ARL8B: variants seen among roughly 807,000 people sequenced by gnomAD.
ARL8B encodes ARF like GTPase 8B.
In ARL8B, 9 loss-of-function variants were observed where a neutral mutation model predicts 30.6. The observed-to-expected ratio is 0.29, with a 90% CI of 0.18 to 0.51. ARL8B has a LOEUF of 0.51. Among genes scored for constraint, ARL8B ranks in the 20% least tolerant of loss-of-function variants. The pLI is 0.97. For synonymous variants in ARL8B, 74 were observed against 76.0 expected, an observed-to-expected ratio of 0.97 and a Z score of 0.14; for missense variants, 130 against 227.2, an observed-to-expected ratio of 0.57 and a Z score of 2.75.
intron 1 of ARL8B, among the ~76,000 whole-genome samples, chr3:5,144,399 C>T (rs1048921645): frequency 2.0e-5 from 3 of 152,210 alleles, no homozygotes; most frequent in Admixed American, 6.5e-5. Flanking sequence ...TATCCTTTGA[C>T]AAGTTACACA....
intron 1 of ARL8B, chr3:5,156,923 C>G (rs1171964648): frequency 6.6e-6 from 1 of 151,594 alleles, no homozygotes; most frequent in African/African-American, 2.4e-5. Flanking sequence ...TTCATATGTT[C>G]AGTTATTTTG....
chr3:5,136,878 G>A (rs979821406), intron 1 of ARL8B, among the ~76,000 whole-genome samples: 2 of 152,090 alleles, frequency 1.3e-5, no homozygotes, highest in Non-Finnish European at 2.9e-5. Context: ...CAGGTCCCAG[G>A]TCTGTAAAAC....
intron 1 of ARL8B, among the ~76,000 whole-genome samples, 192 bp downstream of exon 1, chr3:5,122,780 C>G (rs969025582): frequency 2.0e-5 from 3 of 152,252 alleles, no homozygotes; most frequent in Non-Finnish European, 4.4e-5. Flanking sequence ...GGGAGTAGCA[C>G]TGAGATCGGC....
intron 1 of ARL8B, among the ~76,000 whole-genome samples, chr3:5,155,925 C>T (rs1343846116): frequency 1.3e-5 from 2 of 150,516 alleles, no homozygotes; most frequent in African/African-American, 4.9e-5. Flanking sequence ...GTTTTTGAGA[C>T]AGGGTCTTGC....
chr3:5,132,688 A>G (rs2054293580), intron 1 of ARL8B, among the ~76,000 whole-genome samples: 1 of 152,230 alleles, frequency 6.6e-6, no homozygotes, highest in African/African-American at 2.4e-5. Context: ...CTCTTTAAAT[A>G]CTGAATGAAT....
chr3:5,132,254 CATT>C (rs768632719), intron 1 of ARL8B, among the ~76,000 whole-genome samples: 19 of 151,812 alleles, frequency 1.3e-4, no homozygotes, highest in Non-Finnish European at 1.8e-4. Context: ...CTATGATCAT[CATT>C]ATTATTTTTT....
chr3:5,172,827 A>G, intron 4 of ARL8B, 87 bp downstream of exon 4: 1 of 897,346 alleles, frequency 1.1e-6, no homozygotes, highest in Non-Finnish European at 1.7e-6. Flanking sequence ...ATTATGTTTG[A>G]AATCAGTAAC....
At chr3:5,127,872 CAAAAA>C (rs748657502) in intron 1 of ARL8B, among the ~76,000 whole-genome samples, 7 of 10,588 alleles carry the variant, frequency 6.6e-4, no homozygotes, top group Admixed American at 2.9e-3. Flanking sequence ...GACTCCGTCT[CAAAAA>C]AAAAAAAAAA....
In ARL8B at chr3:5,179,524, G is replaced by A. The variant is rs1353921933; in HGVS notation, c.*811G>A. On this transcript the variant is annotated 3_prime_UTR_variant, in exon 7 of 7. Coordinates refer to ENST00000256496, the MANE Select transcript of ARL8B (RefSeq NM_018184.3). ...GTTGAGAATTGAAGATTTTCCAAAA[G>A]CGTTCATGAATTTAGAGCATTCCAC... 6.6e-6 allele frequency: 1 copy of A among 152,526 alleles called. No homozygotes were observed. The highest frequency in any genetic ancestry group is 1.5e-5 in the Non-Finnish European group (1 of 68,014). 9.4% of individuals were successfully genotyped at this position (152,526 alleles called of 1,614,324 possible).
At chr3:5,148,731 T>G (rs1275301756) in intron 1 of ARL8B, among the ~76,000 whole-genome samples, 2 of 152,142 alleles carry the variant, frequency 1.3e-5, no homozygotes, top group African/African-American at 2.4e-5. Flanking sequence ...GAGCCAAACT[T>G]AGGCCAAAAA....
At chr3:5,165,913 T>C (rs2054619910) in intron 1 of ARL8B, among the ~76,000 whole-genome samples, 1 of 152,216 alleles carries the variant, frequency 6.6e-6, no homozygotes, top group Admixed American at 6.5e-5. Context: ...AGGATTTCAC[T>C]GTGTTCTTTC....
rs753835729 is a variant in ARL8B at position 5,154,219 on chromosome 3, T to TA, written c.124-16284_124-16283insA. Among the ~76,000 whole-genome samples the TA allele has an allele frequency of 7.7e-3, 1,169 of 152,332 alleles. 8 individuals are homozygous for TA. The highest frequency in any genetic ancestry group is 0.013 in the Non-Finnish European group (897 of 68,030). ...TCAAGTATTTTTTCCTGAATTACTC[T>TA]CTCTCTTATTCCAGGACTTTGACAT... On this transcript the variant is annotated intron_variant, in intron 1 of 6. Transcript: ENST00000256496.
chr3:5,163,851 C>T (rs2054602441), intron 1 of ARL8B, among the ~76,000 whole-genome samples: 1 of 152,102 alleles, frequency 6.6e-6, no homozygotes, highest in African/African-American at 2.4e-5. Flanking sequence ...TCCTGGGCGA[C>T]AGGAGCAAAA....
intron 1 of ARL8B, among the ~76,000 whole-genome samples, chr3:5,123,349 CAT>C (rs1333671293): frequency 2.0e-5 from 3 of 152,188 alleles, no homozygotes; most frequent in South Asian, 2.1e-4. Context: ...TGGGCAGGAA[CAT>C]AGCTTAGCAG....
At chr3:5,128,402 C>G in intron 1 of ARL8B, 1 of 449,354 alleles carries the variant, frequency 2.2e-6, no homozygotes, top group South Asian at 1.6e-5. Context: ...AACATCTCTA[C>G]CTTCCATAAA....
intron 1 of ARL8B, among the ~76,000 whole-genome samples, chr3:5,154,557 A>G (rs1342069855): frequency 6.6e-6 from 1 of 151,958 alleles, no homozygotes; most frequent in Non-Finnish European, 1.5e-5. Context: ...TGTGTCTTCA[A>G]GATTTTTAAG....
intron 1 of ARL8B, among the ~76,000 whole-genome samples, chr3:5,131,685 C>G (rs914445856): frequency 2.2e-4 from 33 of 152,278 alleles, no homozygotes; most frequent in African/African-American, 6.3e-4. Flanking sequence ...GCCACTGCAC[C>G]CAGCCTACCC....
intron 1 of ARL8B, among the ~76,000 whole-genome samples, chr3:5,170,254 A>C (rs942135996): frequency 6.6e-6 from 1 of 152,246 alleles, no homozygotes; most frequent in Non-Finnish European, 1.5e-5. Context: ...TTTTAGCATA[A>C]GGAAATATGT....
intron 1 of ARL8B, among the ~76,000 whole-genome samples, chr3:5,150,578 T>C (rs2106562238): frequency 6.6e-6 from 1 of 150,564 alleles, no homozygotes; most frequent in East Asian, 2.0e-4. Context: ...AGGTCAGGAG[T>C]TCAAGACCAG....
Sources: allele counts gnomAD v4.1 joint callset (sites outside exome capture counted in the v4.1 genomes callset), GRCh38; gene constraint gnomAD v4.1.1; transcripts MANE v1.5; gene names NCBI Gene and HGNC (gene_info 2026-07-23, HGNC 2026-07-21).